The following DOCK8 variants were observed in gnomAD, a reference collection of about 807,000 sequenced individuals.
The protein encoded by DOCK8 is dedicator of cytokinesis protein 8.
A neutral mutation model predicts 245.6 loss-of-function variants in DOCK8; 141 were observed. The ratio of observed to expected loss-of-function variants is 0.57; its 90% CI spans 0.50 to 0.66. DOCK8 has a LOEUF of 0.66. Among genes scored for constraint, DOCK8 ranks in the 30% least tolerant of loss-of-function variants. DOCK8 has a pLI of 0.00. For synonymous variants in DOCK8, 1,168 were observed against 970.2 expected (o/e 1.20, Z -3.79); for missense variants, 2,965 against 2,603.4 (o/e 1.14, Z -3.02).
chr9:217,123 AG>A (rs1382600066), intron 1 of DOCK8, among the ~76,000 whole-genome samples: 1 of 152,228 alleles, frequency 6.6e-6, no homozygotes, highest in Non-Finnish European at 1.5e-5. Flanking sequence ...GAGACAGTAC[AG>A]AAAAAATAAT....
At chr9:347,149 CCTT>C (rs555784622) in intron 14 of DOCK8, among the ~76,000 whole-genome samples, 3 of 152,254 alleles carry the variant, frequency 2.0e-5, no homozygotes, top group South Asian at 4.1e-4. Flanking sequence ...GCGTCCCCCT[CCTT>C]CTCATGGAAG....
At chr9:461,750 C>T (rs969632348) in intron 46 of DOCK8, among the ~76,000 whole-genome samples, 3 of 151,712 alleles carry the variant, frequency 2.0e-5, no homozygotes, top group African/African-American at 7.2e-5. Context: ...CCATGTTGCC[C>T]AGTCTAGTCT....
At position 399,267 on chromosome 9, in the gene DOCK8, T is replaced by TGGGGG; in HGVS notation, c.3234+8_3234+9insGGGGG. The TGGGGG allele has an allele frequency of 3.9e-6, 6 of 1,534,210 alleles. No homozygotes were observed. The highest frequency in any genetic ancestry group is 1.1e-5 in the South Asian group (1 of 87,662). ...AGACATTATTGCAGCCAGGTGAGTGTCCCCCCCACCCCCACCCCCGAGCGA... is the reference window on the plus strand; with the variant it reads ...AGACATTATTGCAGCCAGGTGAGTGTGGGGGCCCCCCCACCCCCACCCCCGAGCGA... On this transcript the variant is annotated intron_variant, in intron 26 of 47. Transcript: ENST00000432829.
rs1419641691 is a variant in DOCK8 at position 327,680 on chromosome 9, A to G, written c.895-342A>G. Among the ~76,000 whole-genome samples, 2 of 152,182 alleles carry G rather than the reference A, an allele frequency of 1.3e-5. 1 individual carries two copies. Among genetic ancestry groups the G allele is most frequent in the African/African-American group, 4.8e-5 (2 of 41,440 alleles). ...CCAAAGTGCTGGGATTACGAGTGTG[A>G]ACCACCACACCCAGTCCTTCCCTCA... On this transcript the variant is annotated intron_variant, in intron 8 of 47. Coordinates refer to ENST00000432829, the MANE Select transcript of DOCK8 (RefSeq NM_203447.4).
intron 1 of DOCK8, among the ~76,000 whole-genome samples, chr9:258,497 T>G (rs1482680525): frequency 6.6e-6 from 1 of 151,890 alleles, no homozygotes; most frequent in African/African-American, 2.4e-5. Context: ...AGGGAGTGGG[T>G]GCAAGAGCTC....
At position 216,558 on chromosome 9, in the gene DOCK8, A is replaced by C. The variant is rs535568363; in HGVS notation, c.53+1529A>C. On this transcript the variant is annotated intron_variant, in intron 1 of 47. Coordinates refer to ENST00000432829, the MANE Select transcript of DOCK8 (RefSeq NM_203447.4). ...CAGACAAAAAAAAAAAAAAAAAAGCAAAAACAAGGCATGAAGTATATCAGG... is the reference window on the plus strand; with the variant it reads ...CAGACAAAAAAAAAAAAAAAAAAGCCAAAACAAGGCATGAAGTATATCAGG... Among the ~76,000 whole-genome samples, 31 of 150,754 alleles carry C rather than the reference A, an allele frequency of 2.1e-4. No homozygotes were observed. The South Asian group carries it at 6.5e-3, about 32-fold the overall frequency.
rs2055251481 is a variant in DOCK8 at position 403,916 on chromosome 9, A to ATG, written c.3235-1002_3235-1001insTG. Among the ~76,000 whole-genome samples the ATG allele has an allele frequency of 3.7e-4, 29 of 78,010 alleles. 1 individual carries two copies. The highest frequency in any genetic ancestry group is 2.1e-3 in the African/African-American group (27 of 12,890). The allele number at this position is 78,010 out of a possible 152,430, so 51.2% of individuals were successfully genotyped here. ...TCTATATATATATATATATATATAT[A>ATG]CATATATATATATGTGTATATATAT... On this transcript the variant is annotated intron_variant, in intron 26 of 47. Coordinates refer to ENST00000432829, the MANE Select transcript of DOCK8 (RefSeq NM_203447.4).
At chr9:244,707 C>T (rs1159469685) in intron 1 of DOCK8, among the ~76,000 whole-genome samples, 1 of 151,878 alleles carries the variant, frequency 6.6e-6, no homozygotes, top group Non-Finnish European at 1.5e-5. Flanking sequence ...TGCATGGTTC[C>T]TCCCTAGAGT....
chr9:407,577 T>C (rs1403301826), intron 28 of DOCK8, among the ~76,000 whole-genome samples: 5 of 152,106 alleles, frequency 3.3e-5, no homozygotes. Flanking sequence ...TTACCTCTTA[T>C]CTATCTGATT....
chr9:421,930 C>A (rs986217170), intron 32 of DOCK8, 118 bp from the exon 33 acceptor site: 27 of 903,360 alleles, frequency 3.0e-5, no homozygotes, highest in Non-Finnish European at 4.5e-5. Flanking sequence ...CCTGCATGGA[C>A]TCTAATTAGC....
At chr9:426,843 G>C in intron 33 of DOCK8, 42 bp from the exon 34 acceptor site, 1 of 1,556,592 alleles carries the variant, frequency 6.4e-7, no homozygotes, top group South Asian at 1.1e-5. Flanking sequence ...AACCTGGCCA[G>C]GTTTGACATG....
intron 1 of DOCK8, among the ~76,000 whole-genome samples, chr9:232,912 T>A (rs968439008): frequency 1.3e-5 from 2 of 152,344 alleles, no homozygotes; most frequent in African/African-American, 4.8e-5. Flanking sequence ...TCTGCTCTGA[T>A]CTTAGTTATT....
At chr9:349,967 T>C (rs1468841342) in intron 14 of DOCK8, among the ~76,000 whole-genome samples, 1 of 152,186 alleles carries the variant, frequency 6.6e-6, no homozygotes, top group Non-Finnish European at 1.5e-5. Context: ...CGCCCTCCAA[T>C]AGCTCTTCTG....
At chr9:218,448 T>C (rs1035824730) in intron 1 of DOCK8, among the ~76,000 whole-genome samples, 21 of 152,200 alleles carry the variant, frequency 1.4e-4, no homozygotes, top group African/African-American at 5.1e-4. Context: ...TCATTTCCAT[T>C]TTTTTGTTGC....
At chr9:398,105 G>C (rs1452882919) in intron 25 of DOCK8, among the ~76,000 whole-genome samples, 3 of 152,192 alleles carry the variant, frequency 2.0e-5, no homozygotes, top group Non-Finnish European at 2.9e-5. Context: ...GGCAAACTTT[G>C]TTGGAACAGC....
At chr9:396,584 C>T (rs1342370966) in intron 24 of DOCK8, among the ~76,000 whole-genome samples, 1 of 152,188 alleles carries the variant, frequency 6.6e-6, no homozygotes, top group African/African-American at 2.4e-5. Flanking sequence ...AGAGGACACC[C>T]TTCCCACCTC....
chr9:272,304 T>A (rs2048185690), intron 2 of DOCK8, among the ~76,000 whole-genome samples: 1 of 152,114 alleles, frequency 6.6e-6, no homozygotes. Flanking sequence ...GGCCACACCC[T>A]CCAACTCACG....
At chr9:307,659 A>G (rs1441458917) in intron 5 of DOCK8, among the ~76,000 whole-genome samples, 2 of 152,028 alleles carry the variant, frequency 1.3e-5, no homozygotes, top group Middle Eastern at 3.4e-3. Context: ...CACCCGGCCC[A>G]CTGTCTGTGT....
intron 31 of DOCK8, 63 bp from the exon 32 acceptor site, chr9:420,886 T>C (rs2056247037): frequency 1.2e-6 from 2 of 1,603,264 alleles, no homozygotes; most frequent in East Asian, 4.5e-5. Flanking sequence ...ACTGTTTTGG[T>C]AACTCTCCCC....
Sources: gnomAD v4.1 joint callset for allele counts (sites outside exome capture counted in the v4.1 genomes callset) on GRCh38, gnomAD v4.1.1 for gene constraint, MANE v1.5 for transcripts, NCBI Gene and HGNC (gene_info 2026-07-23, HGNC 2026-07-21) for gene names.